NXN: variants seen among roughly 807,000 people sequenced by gnomAD.
NXN encodes nucleoredoxin 1.
NXN carries 16 observed loss-of-function variants against 48.6 expected under a neutral mutation model. The observed-to-expected ratio is 0.33, with a 90% confidence interval of 0.22 to 0.50. The LOEUF is 0.50. Ranked by LOEUF, NXN falls within the 20% of genes least tolerant of loss-of-function variation. The pLI is 0.98. For missense variants in NXN, 492 were observed against 605.5 expected, an observed-to-expected ratio of 0.81 and a Z score of 1.97; for synonymous variants, 281 against 269.6, an observed-to-expected ratio of 1.04 and a Z score of -0.41.
chr17:970,455 G>GA (rs149550209), intron 1 of NXN, among the ~76,000 whole-genome samples: 13 of 150,202 alleles, frequency 8.7e-5, no homozygotes, highest in East Asian at 5.8e-4. Context: ...AAGGCCCTTA[G>GA]AAAAAAAAAC....
chr17:924,750 G>A (rs1320646241), intron 1 of NXN, among the ~76,000 whole-genome samples: 1 of 152,000 alleles, frequency 6.6e-6, no homozygotes, highest in Non-Finnish European at 1.5e-5. Flanking sequence ...CTGCTCCCCA[G>A]CCCCAGCCCT....
At chr17:926,620 A>AC (rs1880344679) in intron 1 of NXN, among the ~76,000 whole-genome samples, 1 of 150,192 alleles carries the variant, frequency 6.7e-6, no homozygotes, top group South Asian at 2.1e-4. Context: ...ATCTCGGCTC[A>AC]CCACAGCCTC....
At chr17:890,142 T>C (rs1023020508) in intron 1 of NXN, among the ~76,000 whole-genome samples, 3 of 151,904 alleles carry the variant, frequency 2.0e-5, no homozygotes, top group Non-Finnish European at 4.4e-5. Context: ...CTACTCGTTA[T>C]GAAATAAACT....
At chr17:894,774 G>C in intron 1 of NXN, among the ~76,000 whole-genome samples, 1 of 152,218 alleles carries the variant, frequency 6.6e-6, no homozygotes, top group Non-Finnish European at 1.5e-5. Context: ...GCCCCAAGAA[G>C]ACGGTCCCCA....
At chr17:802,064 A>C (rs1911242382) in intron 7 of NXN, among the ~76,000 whole-genome samples, 1 of 152,226 alleles carries the variant, frequency 6.6e-6, no homozygotes, top group South Asian at 2.1e-4. Context: ...ACATAGCCTC[A>C]TGCAGACACC....
chr17:962,609 CTT>C (rs2069250939), intron 1 of NXN, among the ~76,000 whole-genome samples: 1 of 152,096 alleles, frequency 6.6e-6, no homozygotes, highest in African/African-American at 2.4e-5. Context: ...TATTTCATAA[CTT>C]TGGATTTAAG....
chr17:809,303 C>A (rs1911774396), intron 5 of NXN, among the ~76,000 whole-genome samples: 1 of 152,218 alleles, frequency 6.6e-6, no homozygotes, highest in Non-Finnish European at 1.5e-5. Context: ...CGCCTACAGA[C>A]CCCTTTCACC....
At chr17:955,622 C>T (rs1348334824) in intron 1 of NXN, among the ~76,000 whole-genome samples, 4 of 145,644 alleles carry the variant, frequency 2.7e-5, no homozygotes, top group South Asian at 2.2e-4. Context: ...GGAGGCCGGA[C>T]GCGGTGGCTC....
intron 1 of NXN, among the ~76,000 whole-genome samples, chr17:971,417 G>C (rs1235664826): frequency 3.3e-5 from 5 of 151,582 alleles, no homozygotes; most frequent in African/African-American, 1.2e-4. Context: ...CACTCATTGA[G>C]AAACAAAAAC....
intron 1 of NXN, among the ~76,000 whole-genome samples, chr17:961,461 T>C (rs1243292373): frequency 6.6e-6 from 1 of 152,098 alleles, no homozygotes; most frequent in Non-Finnish European, 1.5e-5. Context: ...CCTTCCATGA[T>C]TGTTAACATT....
At chr17:933,859 T>C (rs1232296768) in intron 1 of NXN, among the ~76,000 whole-genome samples, 2 of 152,098 alleles carry the variant, frequency 1.3e-5, no homozygotes, top group Non-Finnish European at 2.9e-5. Flanking sequence ...CCAGAACACT[T>C]ATCAATTTGG....
At chr17:904,326 C>G (rs1005106134) in intron 1 of NXN, among the ~76,000 whole-genome samples, 8 of 152,116 alleles carry the variant, frequency 5.3e-5, no homozygotes, top group Admixed American at 2.0e-4. Context: ...GACAGACTGG[C>G]CCCAGTTTTA....
intron 1 of NXN, among the ~76,000 whole-genome samples, chr17:901,134 T>C (rs1289892292): frequency 6.6e-6 from 1 of 152,100 alleles, no homozygotes; most frequent in Non-Finnish European, 1.5e-5. Context: ...TTGGCCAGGA[T>C]GGTCTCGATC....
chr17:936,932 G>T (rs114318903), intron 1 of NXN, among the ~76,000 whole-genome samples: 1 of 151,962 alleles, frequency 6.6e-6, no homozygotes, highest in African/African-American at 2.4e-5. Flanking sequence ...GCCGGGTACG[G>T]TGGCTCACGC....
intron 1 of NXN, among the ~76,000 whole-genome samples, chr17:931,451 CAA>C (rs199620868): frequency 1.6e-5 from 2 of 123,658 alleles, no homozygotes; most frequent in Admixed American, 1.6e-4. Flanking sequence ...GGCCCTGTCT[CAA>C]AAAAAAAAAA....
chr17:804,045 G>T (rs1041451932), intron 6 of NXN: 3 of 533,290 alleles, frequency 5.6e-6, no homozygotes, highest in Non-Finnish European at 1.0e-5. Context: ...GGAGGAACCT[G>T]CCTCACTGAG....
At chr17:813,658 AT>A (rs1424038662) in intron 5 of NXN, among the ~76,000 whole-genome samples, 10 of 149,884 alleles carry the variant, frequency 6.7e-5, no homozygotes, top group South Asian at 2.1e-4. Context: ...TAACTTCAGC[AT>A]TTTTTTTTTG....
chr17:967,224 G>C (rs1283480785), intron 1 of NXN, among the ~76,000 whole-genome samples: 1 of 152,226 alleles, frequency 6.6e-6, no homozygotes, highest in African/African-American at 2.4e-5. Context: ...CCCGGCCACA[G>C]TGACCAGTTA....
chr17:886,234 C>T (rs2068346000), intron 1 of NXN, among the ~76,000 whole-genome samples: 1 of 152,034 alleles, frequency 6.6e-6, no homozygotes, highest in Admixed American at 6.6e-5. Flanking sequence ...CTACGCAAGG[C>T]CATGTTCTTA....
Sources: gnomAD v4.1 joint callset for allele counts (sites outside exome capture counted in the v4.1 genomes callset) on GRCh38, gnomAD v4.1.1 for gene constraint, MANE v1.5 for transcripts, NCBI Gene and HGNC (gene_info 2026-07-23, HGNC 2026-07-21) for gene names.